Variants in DNM3 observed in about 807,000 individuals in gnomAD.
DNM3 encodes dynamin 3.
DNM3 carries 47 observed loss-of-function variants against 101.6 expected under a neutral mutation model. The ratio of observed to expected loss-of-function variants is 0.46; its 90% CI spans 0.37 to 0.59. DNM3 has a LOEUF of 0.59. Among genes scored for constraint, DNM3 ranks in the 20% least tolerant of loss-of-function variants. The pLI is 0.00. For synonymous variants in DNM3, 385 were observed against 387.9 expected (o/e 0.99, Z 0.09); for missense variants, 849 against 1,085.7 (o/e 0.78, Z 3.06).
At chr1:172,066,736 C>T (rs982206854) in intron 10 of DNM3, among the ~76,000 whole-genome samples, 1 of 152,164 alleles carries the variant, frequency 6.6e-6, no homozygotes, top group Non-Finnish European at 1.5e-5. Flanking sequence ...TTTACCATGT[C>T]ATTAGTTATT....
At position 172,110,824 on chromosome 1, in the gene DNM3, C is replaced by T. The variant is rs142523145; in HGVS notation, c.1545+17949C>T. On this transcript the variant is annotated intron_variant, in intron 13 of 20. Coordinates refer to ENST00000627582, the MANE Select transcript of DNM3 (RefSeq NM_015569.5). ...GGTGAGGCAGGTGGATTGCTTGAGC[C>T]CAGGAGTTGGAGACAAGCCTGGGCA... Among the ~76,000 whole-genome samples the T allele has an allele frequency of 3.7e-3, 559 of 152,234 alleles. 4 individuals are homozygous for T. The highest frequency in any genetic ancestry group is 4.9e-3 in the Non-Finnish European group (333 of 68,018).
intron 4 of DNM3, among the ~76,000 whole-genome samples, chr1:172,010,717 T>C (rs952262412): frequency 6.8e-6 from 1 of 147,716 alleles, no homozygotes; most frequent in African/African-American, 2.5e-5. Flanking sequence ...TGTGTGTGTG[T>C]GTGTGTAGCT....
chr1:172,264,275 T>G (rs1557901027), intron 15 of DNM3, among the ~76,000 whole-genome samples: 1 of 152,194 alleles, frequency 6.6e-6, no homozygotes, highest in Non-Finnish European at 1.5e-5. Context: ...AATAAAAACA[T>G]TCCTTTTTGT....
intron 15 of DNM3, among the ~76,000 whole-genome samples, chr1:172,297,794 T>A (rs940224338): frequency 3.3e-5 from 5 of 152,182 alleles, no homozygotes; most frequent in Non-Finnish European, 7.4e-5. Flanking sequence ...CTCAGTTGTA[T>A]CTTTTCTCAT....
intron 17 of DNM3, among the ~76,000 whole-genome samples, chr1:172,336,616 C>G (rs1217630867): frequency 1.3e-5 from 2 of 150,162 alleles, no homozygotes; most frequent in Non-Finnish European, 2.9e-5. Context: ...GTTCACATTC[C>G]TGATATCTTA....
intron 10 of DNM3, 127 bp downstream of exon 10, chr1:172,048,877 T>G (rs533136486): frequency 3.8e-5 from 46 of 1,203,178 alleles, no homozygotes; most frequent in Non-Finnish European, 5.3e-5. Context: ...CTACAGGGAA[T>G]GGTTGTGGAA....
chr1:172,056,657 A>G (rs1401792817), intron 10 of DNM3, among the ~76,000 whole-genome samples: 1 of 151,128 alleles, frequency 6.6e-6, no homozygotes, highest in Non-Finnish European at 1.5e-5. Context: ...GAAAACTAAC[A>G]AACAGAAAGG....
chr1:171,918,941 A>G (rs2039936134), intron 1 of DNM3, among the ~76,000 whole-genome samples: 1 of 152,224 alleles, frequency 6.6e-6, no homozygotes, highest in African/African-American at 2.4e-5. Flanking sequence ...GCATGAAGAT[A>G]TAAAGTGACT....
chr1:171,880,386 G>A (rs1162337309), intron 1 of DNM3, among the ~76,000 whole-genome samples: 1 of 152,192 alleles, frequency 6.6e-6, no homozygotes, highest in Non-Finnish European at 1.5e-5. Context: ...CTTGAATCCT[G>A]TATGTCTTCT....
intron 2 of DNM3, chr1:171,987,431 A>G: frequency 7.3e-6 from 5 of 683,522 alleles, no homozygotes; most frequent in Non-Finnish European, 9.0e-6. Context: ...TTAGTATTTA[A>G]TTGCTTATCT....
At chr1:172,080,611 G>A (rs752703802) in intron 11 of DNM3, among the ~76,000 whole-genome samples, 18 of 152,178 alleles carry the variant, frequency 1.2e-4, no homozygotes, top group Non-Finnish European at 1.8e-4. Flanking sequence ...CCTGGCTTCA[G>A]CCCCCTTTCC....
intron 15 of DNM3, among the ~76,000 whole-genome samples, chr1:172,278,339 T>C (rs1456958378): frequency 6.6e-6 from 1 of 151,564 alleles, no homozygotes; most frequent in African/African-American, 2.4e-5. Flanking sequence ...TGCCCAATCT[T>C]TTGGTTTCCC....
chr1:172,234,696 A>G (rs1446439023), intron 14 of DNM3, among the ~76,000 whole-genome samples: 1 of 152,026 alleles, frequency 6.6e-6, no homozygotes, highest in African/African-American at 2.4e-5. Flanking sequence ...ATATAGACCA[A>G]TGGAACAGAA....
chr1:172,417,419 C>T (rs990413631), downstream of DNM3, among the ~76,000 whole-genome samples: 12 of 152,322 alleles, frequency 7.9e-5, no homozygotes, highest in African/African-American at 2.9e-4. Flanking sequence ...ACAAGAAAGG[C>T]TGATGTCAAA....
intron 14 of DNM3, among the ~76,000 whole-genome samples, chr1:172,211,530 A>AT (rs371823659): frequency 1.3e-5 from 2 of 152,078 alleles, no homozygotes; most frequent in Admixed American, 6.6e-5. Context: ...GTCTGAAAGG[A>AT]TTTTTTTCCC....
Position 172,387,170 on chromosome 1 carries a change from T to C in DNM3, c.2096T>C (p.Leu699Ser), listed in dbSNP as rs745372696. The C allele has an allele frequency of 6.2e-7, 1 of 1,613,978 alleles. No homozygotes were observed. Among genetic ancestry groups the C allele is most frequent in the Admixed American group, 1.7e-5 (1 of 60,024 alleles). ...ATAAATTCCGAGCTCCTAGCACAGTTGTATTCTTCAGAGGACCAAAATACC... is the reference window on the plus strand; with the variant it reads ...ATAAATTCCGAGCTCCTAGCACAGTCGTATTCTTCAGAGGACCAAAATACC... Reference protein sequence around the residue: ...DFINSELLAQLYSSEDQNTLM... With the variant: ...DFINSELLAQSYSSEDQNTLM... Residue 699 changes from leucine (L) to serine (S), a missense_variant, in exon 19 of 21, where the codon TTG becomes TCG. Leu to Ser is a moderately radical substitution (Grantham distance 145). Around this residue, in one of 5 missense-constraint regions of DNM3, gnomAD observed 256 missense variants for 311.7 expected, o/e 0.82. Transcript: ENST00000627582.
chr1:171,865,515 CAAAAAAAAAAAA>C (rs57826674), intron 1 of DNM3, among the ~76,000 whole-genome samples: 2 of 80,652 alleles, frequency 2.5e-5, no homozygotes, highest in East Asian at 4.3e-4. Context: ...GATCCTGTCT[CAAAAAAAAAAAA>C]AAAAAAAAAA....
At chr1:172,372,120 G>A (rs949974501) in intron 17 of DNM3, among the ~76,000 whole-genome samples, 3 of 123,902 alleles carry the variant, frequency 2.4e-5, no homozygotes, top group African/African-American at 9.5e-5. Flanking sequence ...CTGTGTCCAT[G>A]TGATCTCATT....
chr1:171,975,191 A>G (rs1016774423), intron 2 of DNM3, among the ~76,000 whole-genome samples: 5 of 152,058 alleles, frequency 3.3e-5, no homozygotes, highest in African/African-American at 1.2e-4. Flanking sequence ...TCAAGAAATG[A>G]TTGGGTTGAC....
Sources: allele counts gnomAD v4.1 joint callset (sites outside exome capture counted in the v4.1 genomes callset), GRCh38; gene constraint gnomAD v4.1.1; regional missense constraint gnomAD v4.1.1; transcripts MANE v1.5; gene names NCBI Gene and HGNC (gene_info 2026-07-23, HGNC 2026-07-21).